Variants in LMNB2 observed in about 807,000 individuals in gnomAD.
LMNB2 encodes the protein lamin B2, also known as lamin-B2.
Under a neutral mutation model 69.3 loss-of-function variants are expected in LMNB2, and 17 were observed. The observed-to-expected ratio is 0.25, with a 90% CI of 0.17 to 0.37. The LOEUF is 0.37. LMNB2 is among the 10% of genes least tolerant of loss of function. The pLI is 1.00. For synonymous variants in LMNB2, 397 were observed against 389.3 expected, an observed-to-expected ratio of 1.02 and a Z score of -0.23; for missense variants, 789 against 883.6, an observed-to-expected ratio of 0.89 and a Z score of 1.36.
intron 1 of LMNB2, among the ~76,000 whole-genome samples, chr19:2,450,046 G>A (rs1238063346): frequency 6.6e-6 from 1 of 151,594 alleles, no homozygotes; most frequent in African/African-American, 2.4e-5. Context: ...CTGCACTCCA[G>A]CCTGGGCAAC....
chr19:2,434,014 C>T lies in LMNB2; in HGVS notation c.1294G>A (p.Gly432Ser), dbSNP rs759061408. 2.0e-5 allele frequency: 32 copies of T among 1,607,456 alleles called. No homozygotes were observed. The highest frequency in any genetic ancestry group is 2.5e-5 in the Non-Finnish European group (30 of 1,178,124). ...SGSLSATGRL[G>S]RSKRKRLEVE... ...TCCAGCCGCTTCCGCTTACTGCGGCCCAGGCGCCCGGTGGCGGACAAGCTG... is the reference window on the plus strand; with the variant it reads ...TCCAGCCGCTTCCGCTTACTGCGGCTCAGGCGCCCGGTGGCGGACAAGCTG... Residue 432 changes from glycine (G) to serine (S), a missense_variant, in exon 8 of 12, where the codon GGC becomes AGC. Gly to Ser is a moderately conservative substitution (Grantham distance 56, BLOSUM62 0). This residue lies in a region of LMNB2 where 609 missense variants were observed against 630.9 expected (regional missense o/e 0.97). Coordinates refer to ENST00000325327, the MANE Select transcript of LMNB2 (RefSeq NM_032737.4).
intron 1 of LMNB2, among the ~76,000 whole-genome samples, chr19:2,449,957 C>A (rs1972001225): frequency 6.6e-6 from 1 of 151,902 alleles, no homozygotes. Flanking sequence ...TGCCTGTAAT[C>A]CCAGCTACCC....
At chr19:2,444,248 G>A (rs1476675335) in intron 2 of LMNB2, among the ~76,000 whole-genome samples, 156 bp downstream of exon 2, 2 of 152,188 alleles carry the variant, frequency 1.3e-5, no homozygotes, top group Non-Finnish European at 2.9e-5. Context: ...AAAAAGTGAC[G>A]TGGCAGCCAC....
At chr19:2,439,455 G>A (rs374992249) in intron 2 of LMNB2, among the ~76,000 whole-genome samples, 90 of 152,226 alleles carry the variant, frequency 5.9e-4, no homozygotes, top group African/African-American at 2.0e-3. Flanking sequence ...GCACTGCAGG[G>A]TGCTGAGCAC....
At chr19:2,451,163 C>T (rs377663296) in intron 1 of LMNB2, among the ~76,000 whole-genome samples, 1 of 152,120 alleles carries the variant, frequency 6.6e-6, no homozygotes, top group Non-Finnish European at 1.5e-5. Flanking sequence ...ATCGCTTCAT[C>T]GCCTGAATCC....
rs188256951 is a variant in LMNB2 at position 2,454,482 on chromosome 19, G to A, written c.264+2188C>T. On this transcript the variant is annotated intron_variant, in intron 1 of 11. Transcript: ENST00000325327. ...TGGCCCCACACACAAGTAAGAGGTG[G>A]GTATTATAATTACACCCATTCCAAA... is the stretch of plus-strand genomic sequence containing the variant. Among the ~76,000 whole-genome samples the A allele has an allele frequency of 5.7e-4, 86 of 152,010 alleles. No homozygotes were observed. The East Asian group carries it at 0.016, about 29-fold the overall frequency.
rs1001341696 is a variant in LMNB2 at position 2,447,839 on chromosome 19, C to G, written c.265-3299G>C. ...TGAGGTGGGACCCTCAGCCTCAAACCAACGCATGCTGGGCCATCTGGACAA... is the reference window on the plus strand; with the variant it reads ...TGAGGTGGGACCCTCAGCCTCAAACGAACGCATGCTGGGCCATCTGGACAA... On this transcript the variant is annotated intron_variant, in intron 1 of 11. Coordinates refer to ENST00000325327, the MANE Select transcript of LMNB2 (RefSeq NM_032737.4). The surrounding 1 kb of genome is among the most constrained non-coding windows in gnomAD (Gnocchi z 4.4). Among the ~76,000 whole-genome samples the G allele has an allele frequency of 1.4e-4, 22 of 152,208 alleles. No homozygotes were observed. The highest frequency in any genetic ancestry group is 2.9e-4 in the Non-Finnish European group (20 of 68,038).
intron 1 of LMNB2, among the ~76,000 whole-genome samples, chr19:2,449,458 A>AT (rs1481542918): frequency 2.0e-5 from 3 of 152,206 alleles, no homozygotes; most frequent in African/African-American, 7.2e-5. Flanking sequence ...TTCATTGTAG[A>AT]TTTTTTGAAT....
intron 2 of LMNB2, among the ~76,000 whole-genome samples, chr19:2,439,706 A>G (rs1341271122): frequency 2.0e-5 from 3 of 151,292 alleles, no homozygotes; most frequent in Non-Finnish European, 4.4e-5. Flanking sequence ...TCTCCTGCCC[A>G]GCAGAATGCA....
intron 1 of LMNB2, among the ~76,000 whole-genome samples, chr19:2,445,271 C>T (rs1057258371): frequency 6.6e-6 from 1 of 151,926 alleles, no homozygotes; most frequent in Non-Finnish European, 1.5e-5. Context: ...CCCCCAGACC[C>T]CGCTGAGCCC....
Position 2,430,039 on chromosome 19 carries a change from C to A in LMNB2, c.*872G>T. ...CTGGAACACGGGAGGGGCTCCACAG[C>A]GCTCTCCTCCAGAGGGTCAACATGG... On this transcript the variant is annotated 3_prime_UTR_variant, in exon 12 of 12. Transcript: ENST00000325327. 6.5e-6 allele frequency: 1 copy of A among 152,732 alleles called. No homozygotes were observed. The allele number at this position is 152,732 out of a possible 1,614,324, so 9.5% of individuals were successfully genotyped here.
In LMNB2 at chr19:2,438,307, C is replaced by T. The variant is rs759258053; in HGVS notation, c.559-19G>A. 17 of 1,613,720 alleles carry T rather than the reference C, an allele frequency of 1.1e-5. No homozygotes were observed. Among genetic ancestry groups the T allele is most frequent in the African/African-American group, 4.0e-5 (3 of 74,936 alleles). ...CCTCGGCCTGGGAGACACAGGACAG[C>T]GAGCTGGTGTGACAATCTGTCTGTT... is the stretch of plus-strand genomic sequence containing the variant. On this transcript the variant is annotated intron_variant, in intron 3 of 11. Transcript: ENST00000325327.
At chr19:2,449,314 T>C (rs184002442) in intron 1 of LMNB2, among the ~76,000 whole-genome samples, 118 of 152,244 alleles carry the variant, frequency 7.8e-4, no homozygotes, top group African/African-American at 2.6e-3. Context: ...AGCCTGGGTG[T>C]GTGGTGGCTT....
At chr19:2,445,159 G>A (rs894423912) in intron 1 of LMNB2, among the ~76,000 whole-genome samples, 1 of 151,888 alleles carries the variant, frequency 6.6e-6, no homozygotes, top group Non-Finnish European at 1.5e-5. Flanking sequence ...CTGGGCCTGA[G>A]AGCCCCCTGC....
chr19:2,432,424 T>G lies in LMNB2; in HGVS notation c.1582A>C (p.Met528Leu), dbSNP rs774287125. Reference sequence around the variant, plus strand: ...CCTGCCCCACCACCTACCGTGACCATCTGGCCGGCGCGCAGGATGTACTTG... The same window carrying G: ...CCTGCCCCACCACCTACCGTGACCAGCTGGCCGGCGCGCAGGATGTACTTG... ...TPKYILRAGQ[M>L]VTVWAAGAGV... Residue 528 changes from methionine (M) to leucine (L), a missense_variant, in exon 9 of 12, where the codon ATG becomes CTG. Transcript: ENST00000325327. 5 of 1,484,628 alleles carry G rather than the reference T, an allele frequency of 3.4e-6. No homozygotes were observed. The highest frequency in any genetic ancestry group is 4.6e-6 in the Non-Finnish European group (5 of 1,098,778). The allele number at this position is 1,484,628 out of a possible 1,614,324, so 92.0% of individuals were successfully genotyped here.
At chr19:2,436,627 A>G (rs979237678) in intron 4 of LMNB2, among the ~76,000 whole-genome samples, 2,656 of 13,000 alleles carry the variant, frequency 0.2, 139 homozygotes, top group African/African-American at 0.38. Flanking sequence ...CCGCCCTCCC[A>G]CCCCCACAGC....
At chr19:2,449,188 C>A (rs1971991867) in intron 1 of LMNB2, among the ~76,000 whole-genome samples, 1 of 152,236 alleles carries the variant, frequency 6.6e-6, no homozygotes, top group Non-Finnish European at 1.5e-5. Context: ...GGAGCCACCG[C>A]ACCCAGCCCT....
At chr19:2,445,426 C>T (rs913047127) in intron 1 of LMNB2, among the ~76,000 whole-genome samples, 10 of 152,068 alleles carry the variant, frequency 6.6e-5, no homozygotes, top group African/African-American at 1.7e-4. Context: ...TGTGTCCCCC[C>T]GACAGGCCAG....
intron 1 of LMNB2, among the ~76,000 whole-genome samples, chr19:2,455,674 C>T (rs1156230009): frequency 6.6e-6 from 1 of 152,128 alleles, no homozygotes; most frequent in East Asian, 1.9e-4. Flanking sequence ...CTGCACTTTT[C>T]ACTCAGTGCC....
Sources: gnomAD v4.1 joint callset for allele counts (sites outside exome capture counted in the v4.1 genomes callset) on GRCh38, gnomAD v4.1.1 for gene constraint, gnomAD v4.1.1 regional missense constraint, Gnocchi (gnomAD v3.1) non-coding constraint, MANE v1.5 for transcripts, NCBI Gene and HGNC (gene_info 2026-07-23, HGNC 2026-07-21) for gene names.